PRKN: variants seen among roughly 807,000 people sequenced by gnomAD.
PRKN encodes parkin RBR E3 ubiquitin protein ligase.
A neutral mutation model predicts 59.5 loss-of-function variants in PRKN; 56 were observed. That is an observed-to-expected ratio of 0.94 (90% confidence interval 0.76 to 1.18). The LOEUF is 1.18. Among genes scored for constraint, PRKN ranks in the 50% most tolerant of loss-of-function variants. The pLI, the probability that PRKN is intolerant of heterozygous loss-of-function variation, is 0.00. For synonymous variants in PRKN, 250 were observed against 222.1 expected, an observed-to-expected ratio of 1.13 and a Z score of -1.12; for missense variants, 657 against 596.4, an observed-to-expected ratio of 1.10 and a Z score of -1.06.
intron 9 of PRKN, among the ~76,000 whole-genome samples, chr6:161,522,910 CTA>C (rs1446320335): frequency 1.3e-5 from 2 of 152,156 alleles, no homozygotes; most frequent in Non-Finnish European, 2.9e-5. Context: ...TGTTGTATAC[CTA>C]TGTTTGAGGA....
chr6:161,636,522 T>C (rs1783527832), intron 7 of PRKN, among the ~76,000 whole-genome samples: 1 of 152,182 alleles, frequency 6.6e-6, no homozygotes, highest in Non-Finnish European at 1.5e-5. Context: ...TTAATGCACA[T>C]GCGGGAGTGC....
At chr6:161,835,168 A>G (rs1333173577) in intron 6 of PRKN, among the ~76,000 whole-genome samples, 1 of 152,212 alleles carries the variant, frequency 6.6e-6, no homozygotes, top group African/African-American at 2.4e-5. Context: ...AATATGCTCT[A>G]AGGAAAAGGG....
At chr6:161,931,596 A>T (rs937069716) in intron 6 of PRKN, among the ~76,000 whole-genome samples, 1 of 152,206 alleles carries the variant, frequency 6.6e-6, no homozygotes. Context: ...TAGTGACACA[A>T]AATGGGCTGA....
chr6:162,579,767 T>C (rs867219908), intron 1 of PRKN, among the ~76,000 whole-genome samples: 3 of 139,144 alleles, frequency 2.2e-5, no homozygotes, highest in Non-Finnish European at 3.2e-5. Context: ...TACAAACATA[T>C]AAAAATTCAA....
intron 1 of PRKN, among the ~76,000 whole-genome samples, chr6:162,680,169 T>C (rs1779715890): frequency 6.6e-6 from 1 of 151,268 alleles, no homozygotes; most frequent in African/African-American, 2.4e-5. Context: ...TATACTTAAT[T>C]AAGCATATAT....
intron 1 of PRKN, among the ~76,000 whole-genome samples, chr6:162,608,665 A>C (rs1221850258): frequency 6.6e-6 from 1 of 152,232 alleles, no homozygotes; most frequent in East Asian, 1.9e-4. Flanking sequence ...TTGGATGAGA[A>C]TGTAAACATT....
chr6:161,983,839 C>T (rs145146826), intron 5 of PRKN, among the ~76,000 whole-genome samples: 46,062 of 113,770 alleles, frequency 0.4, 9,903 homozygotes, highest in Middle Eastern at 0.5. Flanking sequence ...CGCACCAGCA[C>T]GGCACATGTA....
At chr6:162,511,136 T>G (rs771891254) in intron 1 of PRKN, among the ~76,000 whole-genome samples, 2 of 152,180 alleles carry the variant, frequency 1.3e-5, no homozygotes, top group African/African-American at 4.8e-5. Flanking sequence ...AATAACCCAG[T>G]AATTTTACAT....
At chr6:162,086,411 T>C (rs1167200091) in intron 4 of PRKN, among the ~76,000 whole-genome samples, 6 of 152,128 alleles carry the variant, frequency 3.9e-5, no homozygotes. Flanking sequence ...CACAAGCACA[T>C]TGTAAGGTAA....
chr6:162,287,587 C>T (rs1429839640), intron 2 of PRKN, among the ~76,000 whole-genome samples: 1 of 150,644 alleles, frequency 6.6e-6, no homozygotes, highest in Non-Finnish European at 1.5e-5. Flanking sequence ...AATCACTGGA[C>T]ATAATGAAAT....
intron 9 of PRKN, among the ~76,000 whole-genome samples, chr6:161,392,504 CCTCTCT>C (rs67425763): frequency 0.23 from 32,887 of 145,296 alleles, 3,613 homozygotes; most frequent in South Asian, 0.3. Context: ...ATAGTTCAAA[CCTCTCT>C]CTCTCTCTCT....
chr6:162,549,303 C>T (rs1005073349), intron 1 of PRKN, among the ~76,000 whole-genome samples: 5 of 152,090 alleles, frequency 3.3e-5, no homozygotes, highest in Non-Finnish European at 7.4e-5. Context: ...GTTTATAAGC[C>T]GTCTATGGTA....
At chr6:162,415,942 C>T (rs1748270567) in intron 2 of PRKN, among the ~76,000 whole-genome samples, 1 of 152,180 alleles carries the variant, frequency 6.6e-6, no homozygotes, top group Non-Finnish European at 1.5e-5. Context: ...AGGCATCTCT[C>T]CATTTGAAAG....
chr6:161,769,603 C>T (rs1789577922), intron 7 of PRKN, among the ~76,000 whole-genome samples: 1 of 152,144 alleles, frequency 6.6e-6, no homozygotes. Flanking sequence ...GAGACTCCCT[C>T]GAAGGTATAT....
intron 6 of PRKN, among the ~76,000 whole-genome samples, chr6:161,925,398 C>T (rs922608655): frequency 6.6e-6 from 1 of 151,972 alleles, no homozygotes; most frequent in Non-Finnish European, 1.5e-5. Flanking sequence ...GGTGAAATCC[C>T]GTCTCTACTA....
intron 4 of PRKN, among the ~76,000 whole-genome samples, chr6:162,066,547 C>G (rs928014815): frequency 2.0e-5 from 3 of 152,140 alleles, no homozygotes; most frequent in Admixed American, 6.5e-5. Context: ...ATGAATGGAT[C>G]AATACCCCTA....
In PRKN at chr6:161,550,686, G is replaced by A. The variant is rs1779971725; in HGVS notation, c.934-1683C>T. ...CCCGTTTCCTGAGAAGACAGGAGGC[G>A]GGTAGGGGTGGGGACAACTGTGGTA... is the stretch of plus-strand genomic sequence containing the variant. On this transcript the variant is annotated intron_variant, in intron 8 of 11. Transcript: ENST00000366898. The surrounding 1 kb of genome is among the most constrained non-coding windows in gnomAD (Gnocchi z 4.0). Among the ~76,000 whole-genome samples the A allele has an allele frequency of 7.2e-6, 1 of 139,626 alleles. No individual in the cohort carries two copies. The highest frequency in any genetic ancestry group is 1.6e-5 in the Non-Finnish European group (1 of 64,270). The allele number at this position is 139,626 out of a possible 152,430, so 91.6% of individuals were successfully genotyped here.
chr6:162,299,449 C>CAGTCTATT (rs1027380405), intron 2 of PRKN, among the ~76,000 whole-genome samples: 2 of 151,028 alleles, frequency 1.3e-5, no homozygotes, highest in Admixed American at 1.3e-4. Flanking sequence ...TCGATAAAAA[C>CAGTCTATT]AGTCTATTTT....
chr6:162,420,479 T>C (rs1788904559), intron 2 of PRKN, among the ~76,000 whole-genome samples: 1 of 152,130 alleles, frequency 6.6e-6, no homozygotes, highest in South Asian at 2.1e-4. Context: ...CTGCTAACAG[T>C]GCAGATTGCC....
Sources: allele counts gnomAD v4.1 joint callset (sites outside exome capture counted in the v4.1 genomes callset), GRCh38; gene constraint gnomAD v4.1.1; non-coding constraint Gnocchi (gnomAD v3.1); transcripts MANE v1.5; gene names NCBI Gene and HGNC (gene_info 2026-07-23, HGNC 2026-07-21).